Variants in MMP26 observed in about 807,000 individuals in gnomAD.
MMP26 encodes the protein matrix metallopeptidase 26, also known as matrix metalloproteinase-26.
Under a neutral mutation model 31.0 loss-of-function variants are expected in MMP26, and 33 were observed. That is an observed-to-expected ratio of 1.06 (90% CI 0.81 to 1.42). The LOEUF (loss-of-function observed/expected upper bound fraction) is 1.42, where lower values mean the gene tolerates loss of function less well. Ranked by LOEUF, MMP26 falls within the 40% of genes most tolerant of loss-of-function variation. MMP26 has a pLI of 0.00. For synonymous variants in MMP26, 122 were observed against 114.9 expected (o/e 1.06, Z -0.40); for missense variants, 347 against 316.1 (o/e 1.10, Z -0.74).
rs555041910 is a variant in MMP26 at position 4,718,051 on chromosome 11, C to T, written c.-217+13006C>T. On this transcript the variant is annotated intron_variant, in intron 1 of 7. Coordinates refer to ENST00000380390, the MANE Select transcript of MMP26 (RefSeq NM_021801.5). ...AGGGACAGTTTAAATTTTAATATCA[C>T]GAATAGACTGTATGCTTGTCCAGGG... Among the ~76,000 whole-genome samples the T allele has an allele frequency of 2.6e-4, 40 of 152,176 alleles. No individual in the cohort carries two copies. The East Asian group carries it at 5.0e-3, about 19-fold the overall frequency.
intron 2 of MMP26, among the ~76,000 whole-genome samples, chr11:4,957,058 G>A (rs1304548020): frequency 1.7e-4 from 26 of 152,128 alleles, no homozygotes; most frequent in Admixed American, 1.1e-3. Flanking sequence ...GTAGGGTAGA[G>A]GTAAGATAGC....
intron 2 of MMP26, chr11:4,908,318 C>T: frequency 6.2e-7 from 1 of 1,606,044 alleles, no homozygotes. Flanking sequence ...AGAACTTGAA[C>T]AATTAGGTAA....
chr11:4,880,702 C>T (rs1850449093), intron 2 of MMP26, among the ~76,000 whole-genome samples: 1 of 152,044 alleles, frequency 6.6e-6, no homozygotes, highest in South Asian at 2.1e-4. Flanking sequence ...TATAAATTAC[C>T]AATATCAGTT....
chr11:4,848,507 ACCTTGCAACACCT>A, intron 2 of MMP26: 1 of 1,613,508 alleles, frequency 6.2e-7, no homozygotes, highest in African/African-American at 1.3e-5. Flanking sequence ...TGGACTCCAC[ACCTTGCAACACCT>A]TGCCAATCAG....
At chr11:4,879,619 A>G (rs1850430453) in intron 2 of MMP26, among the ~76,000 whole-genome samples, 1 of 152,174 alleles carries the variant, frequency 6.6e-6, no homozygotes, top group Admixed American at 6.5e-5. Context: ...CTGTGAAATA[A>G]TAGGTAATAA....
chr11:4,898,839 G>C (rs879382944), intron 2 of MMP26, among the ~76,000 whole-genome samples: 12,683 of 82,752 alleles, frequency 0.15, 590 homozygotes, highest in Middle Eastern at 0.25. Flanking sequence ...CTCTGTGTGT[G>C]TGTGTGTGTG....
intron 2 of MMP26, among the ~76,000 whole-genome samples, chr11:4,790,722 A>G (rs1329563209): frequency 1.3e-5 from 2 of 152,276 alleles, no homozygotes; most frequent in East Asian, 3.9e-4. Flanking sequence ...CAAATGATCA[A>G]TACACATGTT....
chr11:4,740,671 G>A (rs1309779825), intron 1 of MMP26, among the ~76,000 whole-genome samples: 10 of 144,800 alleles, frequency 6.9e-5, no homozygotes, highest in Non-Finnish European at 1.3e-4. Context: ...CAACAAGAGT[G>A]AGACTCTGTC....
intron 2 of MMP26, among the ~76,000 whole-genome samples, chr11:4,793,619 G>A (rs1470165401): frequency 6.6e-6 from 1 of 152,104 alleles, no homozygotes; most frequent in South Asian, 2.1e-4. Context: ...TGCTCTTCAA[G>A]GGTTTACATC....
intron 2 of MMP26, among the ~76,000 whole-genome samples, chr11:4,921,384 A>G (rs1851182053): frequency 2.0e-5 from 3 of 152,260 alleles, no homozygotes; most frequent in African/African-American, 2.4e-5. Flanking sequence ...ATAAAATACA[A>G]TAAAACAAAA....
chr11:4,990,007 G>A, intron 4 of MMP26, 139 bp downstream of exon 4: 2 of 652,098 alleles, frequency 3.1e-6, no homozygotes, highest in African/African-American at 1.8e-5. Context: ...CTCCCTCAGA[G>A]AAGGTAATAC....
At chr11:4,709,389 T>G (rs1847827186) in intron 1 of MMP26, among the ~76,000 whole-genome samples, 1 of 152,316 alleles carries the variant, frequency 6.6e-6, no homozygotes, top group South Asian at 2.1e-4. Context: ...CCTCTCCTAG[T>G]TCATTCAAGA....
At chr11:4,794,381 C>T (rs541471985) in intron 2 of MMP26, 1 of 152,224 alleles carries the variant, frequency 6.6e-6, no homozygotes, top group East Asian at 1.9e-4. Context: ...AGCAGGCATA[C>T]CTGGTACAGT....
At chr11:4,950,035 T>C (rs1400923790) in intron 2 of MMP26, among the ~76,000 whole-genome samples, 1 of 123,332 alleles carries the variant, frequency 8.1e-6, no homozygotes. Context: ...GTTCACTTGA[T>C]TTATGACAGT....
At chr11:4,767,973 T>C (rs1848653494) in intron 2 of MMP26, among the ~76,000 whole-genome samples, 1 of 152,216 alleles carries the variant, frequency 6.6e-6, no homozygotes, top group Admixed American at 6.5e-5. Context: ...AAACATTTTG[T>C]GTCTGTCTCT....
At chr11:4,866,466 C>T (rs1274385324) in intron 2 of MMP26, among the ~76,000 whole-genome samples, 1 of 152,090 alleles carries the variant, frequency 6.6e-6, no homozygotes, top group Admixed American at 6.6e-5. Flanking sequence ...ATTTAATGCT[C>T]ATGGATAGGA....
intron 1 of MMP26, among the ~76,000 whole-genome samples, chr11:4,765,495 CAG>C (rs1305022638): frequency 6.6e-6 from 1 of 152,156 alleles, no homozygotes; most frequent in Non-Finnish European, 1.5e-5. Context: ...TGTTTGGAAA[CAG>C]GGAGTTTATG....
chr11:4,880,032 C>T (rs569651088), intron 2 of MMP26, among the ~76,000 whole-genome samples: 3 of 152,226 alleles, frequency 2.0e-5, no homozygotes, highest in East Asian at 3.9e-4. Flanking sequence ...TAGGGCTCTT[C>T]TCCCAGCCCT....
In MMP26 at chr11:4,989,984, C is replaced by T; in HGVS notation, c.320+116C>T. On this transcript the variant is annotated intron_variant, in intron 4 of 7. Coordinates refer to ENST00000380390, the MANE Select transcript of MMP26 (RefSeq NM_021801.5). ...CTTCTGCTTTCATTGGCAGCCCGCT[C>T]AAAGCCCAAAATCTCCCTCAGAGAA... The T allele has an allele frequency of 1.2e-5, 9 of 762,662 alleles. No individual in the cohort carries two copies. The South Asian group carries it at 1.6e-4, about 13-fold the overall frequency. The allele number at this position is 762,662 out of a possible 1,614,324, so 47.2% of individuals were successfully genotyped here. A position where few individuals can be genotyped will look rare whatever the true frequency, so the allele number is the denominator to read the frequency against.
Sources: gnomAD v4.1 joint callset for allele counts (sites outside exome capture counted in the v4.1 genomes callset) on GRCh38, gnomAD v4.1.1 for gene constraint, MANE v1.5 for transcripts, NCBI Gene and HGNC (gene_info 2026-07-23, HGNC 2026-07-21) for gene names.